EFCAB12: variants seen among roughly 807,000 people sequenced by gnomAD.
EFCAB12 encodes EF-hand calcium binding domain 12.
EFCAB12 carries 43 observed loss-of-function variants against 53.6 expected under a neutral mutation model. That is an observed-to-expected ratio of 0.80 (90% CI 0.63 to 1.03). The LOEUF is 1.03. EFCAB12 is among the 50% of genes least tolerant of loss of function. The pLI is 0.00. For missense variants in EFCAB12, 646 were observed against 730.6 expected (o/e 0.88, Z 1.34); for synonymous variants, 269 against 289.2 (o/e 0.93, Z 0.71).
At position 129,402,670 on chromosome 3, in the gene EFCAB12, C is replaced by A. The variant is rs115167688; in HGVS notation, c.1404-91G>T. 1,742 of 1,270,040 alleles carry A rather than the reference C, an allele frequency of 1.4e-3. 13 individuals are homozygous for A. In the African/African-American group the frequency reaches 0.023, roughly 16 times the overall value. 78.7% of individuals were successfully genotyped at this position (1,270,040 alleles called of 1,614,324 possible). On this transcript the variant is annotated intron_variant, in intron 7 of 8. Coordinates refer to ENST00000505956, the MANE Select transcript of EFCAB12 (RefSeq NM_207307.3). ...GTAGGTCAGGGCCGCAGGGGTGGAC[C>A]CGTTTCTAAGTCTCAAACGAGAGCT...
rs375670865 is a variant in EFCAB12 at position 129,415,416 on chromosome 3, G to C, written c.682-15C>G. 1.4e-5 allele frequency: 23 copies of C among 1,613,204 alleles called. No homozygotes were observed. The highest frequency in any genetic ancestry group is 1.9e-5 in the Non-Finnish European group (23 of 1,179,634). On this transcript the variant is annotated splice_polypyrimidine_tract_variant and intron_variant, in intron 3 of 8. Coordinates refer to ENST00000505956, the MANE Select transcript of EFCAB12 (RefSeq NM_207307.3). Reference sequence around the variant, plus strand: ...GGGACTCCGACCTGAGGAGAGAGAAGACCTTCAGACTAGCAGGCTCCCATC... The same window carrying C: ...GGGACTCCGACCTGAGGAGAGAGAACACCTTCAGACTAGCAGGCTCCCATC...
chr3:129,414,618 A>G (rs976196286), intron 4 of EFCAB12: 6 of 152,250 alleles, frequency 3.9e-5, no homozygotes, highest in Non-Finnish European at 7.3e-5. Context: ...AATATTATAC[A>G]ATGCACCTTT....
chr3:129,428,425 C>T lies in EFCAB12; in HGVS notation c.49+15G>A. 6.2e-7 allele frequency: 1 copy of T among 1,602,608 alleles called. No homozygotes were observed. The highest frequency in any genetic ancestry group is 8.5e-7 in the Non-Finnish European group (1 of 1,174,356). Reference sequence around the variant, plus strand: ...CGCTGAGCGCTCCCTGCAGACGCTTCTTCCCGGGGCTTACCGAGCAGCGAC... The same window carrying T: ...CGCTGAGCGCTCCCTGCAGACGCTTTTTCCCGGGGCTTACCGAGCAGCGAC... On this transcript the variant is annotated intron_variant, in intron 1 of 8. Coordinates refer to ENST00000505956, the MANE Select transcript of EFCAB12 (RefSeq NM_207307.3).
intron 3 of EFCAB12, 100 bp from the exon 4 acceptor site, chr3:129,415,501 CCA>C: frequency 1.4e-6 from 2 of 1,443,180 alleles, no homozygotes. Flanking sequence ...CATCCTGCTT[CCA>C]GTTTCATCCT....
intron 6 of EFCAB12, among the ~76,000 whole-genome samples, chr3:129,406,268 T>C (rs2071949679): frequency 6.6e-6 from 1 of 152,096 alleles, no homozygotes; most frequent in Admixed American, 6.5e-5. Flanking sequence ...TGGTGAAAAG[T>C]CAGCATCCAG....
At chr3:129,404,477 A>T in intron 6 of EFCAB12, 74 bp from the exon 7 acceptor site, 2 of 1,354,280 alleles carry the variant, frequency 1.5e-6, no homozygotes, top group Non-Finnish European at 1.9e-6. Context: ...CTGGGGTCAG[A>T]GGAGGTGTTT....
At chr3:129,407,635 C>T (rs1005146156) in intron 6 of EFCAB12, among the ~76,000 whole-genome samples, 9 of 152,264 alleles carry the variant, frequency 5.9e-5, no homozygotes, top group East Asian at 1.9e-4. Context: ...TTCACCAGGC[C>T]GGGTGCGGTG....
Position 129,428,427 on chromosome 3 carries a change from T to TC in EFCAB12, c.49+12dup, listed in dbSNP as rs1457982005. The TC allele has an allele frequency of 3.7e-6, 6 of 1,603,514 alleles. No homozygotes were observed. The African/African-American group carries it at 6.7e-5, about 18-fold the overall frequency. ...CTGAGCGCTCCCTGCAGACGCTTCT[T>TC]CCCGGGGCTTACCGAGCAGCGACAA... is the stretch of plus-strand genomic sequence containing the variant. On this transcript the variant is annotated intron_variant, in intron 1 of 8. Coordinates refer to ENST00000505956, the MANE Select transcript of EFCAB12 (RefSeq NM_207307.3).
chr3:129,427,008 C>T (rs895121509), intron 1 of EFCAB12, among the ~76,000 whole-genome samples: 7 of 151,744 alleles, frequency 4.6e-5, no homozygotes, highest in South Asian at 4.2e-4. Context: ...CCACCATGCC[C>T]GGCTAATTTT....
intron 7 of EFCAB12, 64 bp downstream of exon 7, chr3:129,404,186 A>C (rs2071914350): frequency 7.7e-6 from 12 of 1,559,102 alleles, no homozygotes; most frequent in Non-Finnish European, 8.7e-7. Flanking sequence ...TCCAGCCCCC[A>C]CACTGAAGGG....
At chr3:129,420,491 T>C (rs1264174661) in intron 2 of EFCAB12, among the ~76,000 whole-genome samples, 2 of 152,226 alleles carry the variant, frequency 1.3e-5, no homozygotes, top group African/African-American at 4.8e-5. Flanking sequence ...TATGTTTGGA[T>C]AAATGTTGGC....
In EFCAB12 at chr3:129,421,621, G is replaced by A. The variant is rs771372680; in HGVS notation, c.232C>T (p.Gln78Ter). 3.7e-6 allele frequency: 6 copies of A among 1,613,904 alleles called. No homozygotes were observed. Among genetic ancestry groups the A allele is most frequent in the African/African-American group, 1.3e-5 (1 of 74,932 alleles). The change falls in exon 2 of 9, where the codon CAG becomes TAG. Residue 78 changes from glutamine to a stop codon, truncating the protein, a stop_gained. Coordinates refer to ENST00000505956, the MANE Select transcript of EFCAB12 (RefSeq NM_207307.3). LOFTEE classifies it high-confidence loss of function. The stretch of plus-strand genomic sequence containing the variant: ...CTGGGGATGGGCTTTGGGGGAGCCT[G>A]AGGTTGGGATGCAGGATTAAGGGGT... ...QTPLNPASQP[Q>*]APPKPIPSFK...
rs1438571012 is a variant in EFCAB12 at position 129,415,284 on chromosome 3, T to C, written c.799A>G (p.Met267Val). ...GCCAGGCTGCTCCTTTGCTGAGCCA[T>C]AGACCACTGCTTGTAGGTATTGGCC... ...ILANTYKQWS[M>V]AQQRSSLATA... Residue 267 changes from methionine to valine, a missense_variant, in exon 4 of 9, where the codon ATG becomes GTG. Coordinates refer to ENST00000505956, the MANE Select transcript of EFCAB12 (RefSeq NM_207307.3). 3 of 1,612,684 alleles carry C rather than the reference T, an allele frequency of 1.9e-6. No individual in the cohort carries two copies. Among genetic ancestry groups the C allele is most frequent in the Middle Eastern group, 1.9e-4 (1 of 5,314 alleles).
Position 129,418,422 on chromosome 3 carries a change from C to G in EFCAB12, c.513G>C (p.Leu171=). ...GGAGCTGGGGCACCATCTGGCGGGA[C>G]AGCCGGGAGAGCCTGGGGGCTTTCT... ...TRKKAPRLSR[L]SRQMVPQLQL... Residue 171 remains leucine (L), a synonymous_variant, in exon 3 of 9, where the codon CTG becomes CTC. Coordinates refer to ENST00000505956, the MANE Select transcript of EFCAB12 (RefSeq NM_207307.3). 1.2e-6 allele frequency: 2 copies of G among 1,611,388 alleles called. No individual in the cohort carries two copies. Among genetic ancestry groups the G allele is most frequent in the Non-Finnish European group, 1.7e-6 (2 of 1,178,686 alleles).
At chr3:129,420,024 C>A (rs1175848272) in intron 2 of EFCAB12, among the ~76,000 whole-genome samples, 1 of 152,218 alleles carries the variant, frequency 6.6e-6, no homozygotes, top group African/African-American at 2.4e-5. Context: ...CAATGCCACA[C>A]AGCAGGTAAG....
At position 129,419,701 on chromosome 3, in the gene EFCAB12, T is replaced by A. The variant is rs540650106; in HGVS notation, c.487-1253A>T. The stretch of plus-strand genomic sequence containing the variant: ...CAGATGACTGTGGCCCAGGCCAACA[T>A]CCTGACTGCAACCTCATGAGGACTT... On this transcript the variant is annotated intron_variant, in intron 2 of 8. Coordinates refer to ENST00000505956, the MANE Select transcript of EFCAB12 (RefSeq NM_207307.3). Among the ~76,000 whole-genome samples the A allele has an allele frequency of 2.0e-5, 3 of 152,288 alleles. No individual in the cohort carries two copies. The South Asian group carries it at 6.2e-4, about 32-fold the overall frequency.
chr3:129,415,998 TACTC>T (rs2072110497), intron 3 of EFCAB12, among the ~76,000 whole-genome samples: 1 of 152,258 alleles, frequency 6.6e-6, no homozygotes, highest in East Asian at 1.9e-4. Flanking sequence ...CACTGAACTT[TACTC>T]AAACTCCTGG....
chr3:129,422,916 T>C (rs2072207434), intron 1 of EFCAB12, among the ~76,000 whole-genome samples: 1 of 152,174 alleles, frequency 6.6e-6, no homozygotes, highest in African/African-American at 2.4e-5. Context: ...TGTTTATTTT[T>C]TCTAGTAGAC....
chr3:129,423,230 G>A (rs1451937722), intron 1 of EFCAB12, among the ~76,000 whole-genome samples: 1 of 152,206 alleles, frequency 6.6e-6, no homozygotes, highest in Non-Finnish European at 1.5e-5. Context: ...CAATCCTGCT[G>A]AGTCTCAAGT....
Sources: gnomAD v4.1 joint callset for allele counts (sites outside exome capture counted in the v4.1 genomes callset) on GRCh38, gnomAD v4.1.1 for gene constraint, MANE v1.5 for transcripts, NCBI Gene and HGNC (gene_info 2026-07-23, HGNC 2026-07-21) for gene names.